The following ERCC6 variants were observed in gnomAD, a reference collection of about 807,000 sequenced individuals.
ERCC6 encodes the protein DNA excision repair protein ERCC-6.
Under a neutral mutation model 158.7 loss-of-function variants are expected in ERCC6, and 116 were observed. The observed-to-expected ratio is 0.73, with a 90% CI of 0.63 to 0.85. The LOEUF is 0.85. Ranked by LOEUF, ERCC6 falls within the 40% of genes least tolerant of loss-of-function variation. The pLI, the probability that ERCC6 is intolerant of heterozygous loss-of-function variation, is 0.00. For missense variants in ERCC6, 1,698 were observed against 1,799.4 expected, an observed-to-expected ratio of 0.94 and a Z score of 1.02; for synonymous variants, 678 against 659.3, an observed-to-expected ratio of 1.03 and a Z score of -0.43.
chr10:49,534,133 CAAAA>C (rs746772551), intron 1 of ERCC6, among the ~76,000 whole-genome samples: 6 of 60,320 alleles, frequency 9.9e-5, no homozygotes, highest in Non-Finnish European at 1.5e-4. Context: ...GACTCAATCT[CAAAA>C]AAAAAAAAAA....
intron 8 of ERCC6, chr10:49,488,141 C>T (rs765729835): frequency 4.6e-6 from 1 of 215,926 alleles, no homozygotes; most frequent in South Asian, 8.7e-5. Context: ...GGTACATCTG[C>T]AATTAGCCTG....
intron 15 of ERCC6, 120 bp from the exon 16 acceptor site, chr10:49,472,590 G>T: frequency 9.7e-7 from 1 of 1,032,510 alleles, no homozygotes; most frequent in South Asian, 1.3e-5. Flanking sequence ...TTTGACTCAT[G>T]ACGTCAAGTA....
chr10:49,473,588 C>CA lies in ERCC6; in HGVS notation c.2599-2_2599-1insT. 1 of 1,570,348 alleles carries CA rather than the reference C, an allele frequency of 6.4e-7. No homozygotes were observed. The highest frequency in any genetic ancestry group is 8.8e-7 in the Non-Finnish European group (1 of 1,140,076). On this transcript the variant is annotated splice_acceptor_variant, in intron 13 of 20. Transcript: ENST00000355832. LOFTEE classifies it high-confidence loss of function. ...GGAATACTTCAAGTATGTCCAGCAT[C>CA]TGTTTGGAGGTGGGGGATAGGAGTT...
intron 5 of ERCC6, chr10:49,515,484 A>T (rs1308377968): frequency 6.2e-7 from 1 of 1,614,020 alleles, no homozygotes; most frequent in African/African-American, 1.3e-5. Context: ...ACGTGAGTCA[A>T]TGTTACGCTT....
In ERCC6 at chr10:49,479,624, A is replaced by G. The variant is rs372298339; in HGVS notation, c.2170-1154T>C. On this transcript the variant is annotated intron_variant, in intron 10 of 20. Coordinates refer to ENST00000355832, the MANE Select transcript of ERCC6 (RefSeq NM_000124.4). ...GATGATGAAATTTCAGAATTTAAAA[A>G]CATAGTCCCACTGAGGAAGCACGAA... 1.3e-3 allele frequency among the ~76,000 whole-genome samples: 200 copies of G among 152,306 alleles called. 2 individuals carry two copies. Among genetic ancestry groups the G allele is most frequent in the African/African-American group, 4.5e-3 (187 of 41,574 alleles).
In ERCC6 at chr10:49,476,182, A is replaced by G. The variant is rs3750749; in HGVS notation, c.2382+33T>C. ...CCTCCCTCACTTCTCTTGGTCCACA[A>G]TTCATTTCTCCAGCTTCTATTTTTT... is the stretch of plus-strand genomic sequence containing the variant. On this transcript the variant is annotated intron_variant, in intron 12 of 20. Transcript: ENST00000355832. The G allele has an allele frequency of 0.086, 124,314 of 1,448,530 alleles. 8,493 individuals carry two copies. Among genetic ancestry groups the G allele is most frequent in the East Asian group, 0.35 (15,424 of 44,026 alleles). The allele number at this position is 1,448,530 out of a possible 1,614,324, so 89.7% of individuals were successfully genotyped here. A position where few individuals can be genotyped will look rare whatever the true frequency, so the allele number is the denominator to read the frequency against.
In ERCC6 at chr10:49,482,841, A is replaced by G; in HGVS notation, c.2015T>C (p.Ile672Thr). The change falls in exon 10 of 21, where the codon ATT (isoleucine) becomes ACT (threonine). Residue 672 changes from isoleucine to threonine, a missense_variant. Coordinates refer to ENST00000355832, the MANE Select transcript of ERCC6 (RefSeq NM_000124.4). ...ATTTTGCATCGGTGAGCCAGACAGAATGATCCGATGAGGGGTGCGAAACTA... is the reference window on the plus strand; with the variant it reads ...ATTTTGCATCGGTGAGCCAGACAGAGTGATCCGATGAGGGGTGCGAAACTA... ...CKQFRTPHRIILSGSPMQNNL... is the reference protein window; with the variant it reads ...CKQFRTPHRITLSGSPMQNNL... 2 of 1,614,148 alleles carry G rather than the reference A, an allele frequency of 1.2e-6. No individual in the cohort carries two copies. Among genetic ancestry groups the G allele is most frequent in the Non-Finnish European group, 1.7e-6 (2 of 1,179,998 alleles).
At chr10:49,509,664 T>C (rs1851502214) in intron 5 of ERCC6, among the ~76,000 whole-genome samples, 1 of 151,536 alleles carries the variant, frequency 6.6e-6, no homozygotes, top group South Asian at 2.1e-4. Flanking sequence ...TGGTAGGGAG[T>C]GGGTAAGAAT....
chr10:49,501,166 A>C (rs1308349970), intron 6 of ERCC6: 1 of 168,782 alleles, frequency 5.9e-6, no homozygotes, highest in Non-Finnish European at 1.3e-5. Context: ...TATAGCTTAT[A>C]CTGTTGAAAA....
intron 1 of ERCC6, among the ~76,000 whole-genome samples, chr10:49,537,500 T>TATACAC (rs1554795250): frequency 7.5e-6 from 1 of 133,002 alleles, no homozygotes; most frequent in Non-Finnish European, 1.6e-5. Context: ...TATATATATA[T>TATACAC]ATACACATAC....
rs140132694 is a variant in ERCC6, at chr10:49,535,845, C to T, written c.-14-2867G>A. On this transcript the variant is annotated intron_variant, in intron 1 of 20. Transcript: ENST00000355832. ...TACCTTGGTAAAAGAAGTTTCAGGC[C>T]AGGCTTGGTGGCTCACACCTGTAAT... is the stretch of plus-strand genomic sequence containing the variant. 2.9e-3 allele frequency among the ~76,000 whole-genome samples: 445 copies of T among 152,192 alleles called. 2 individuals are homozygous for T. The highest frequency in any genetic ancestry group is 5.3e-3 in the Non-Finnish European group (363 of 68,014).
intron 1 of ERCC6, among the ~76,000 whole-genome samples, chr10:49,538,732 G>C (rs1408051996): frequency 6.6e-6 from 1 of 152,198 alleles, no homozygotes; most frequent in Non-Finnish European, 1.5e-5. Context: ...GTCGCTGGCC[G>C]GCCAGGGACT....
Position 49,470,206 on chromosome 10 carries a change from A to G in ERCC6, c.3754T>C (p.Leu1252=). 1.2e-6 allele frequency: 2 copies of G among 1,614,190 alleles called. No homozygotes were observed. Among genetic ancestry groups the G allele is most frequent in the Non-Finnish European group, 1.7e-6 (2 of 1,180,028 alleles). ...AKEQSNDDYV[L]EKLFKKSVGV... is the part of the protein sequence containing the mutation. Reference sequence around the variant, plus strand: ...CCTGATTTTTTGAAAAGCTTTTCCAAAACATAATCGTCATTGCTCTGTTCC... The same window carrying G: ...CCTGATTTTTTGAAAAGCTTTTCCAGAACATAATCGTCATTGCTCTGTTCC... The change falls in exon 18 of 21, where the codon TTG becomes CTG. Residue 1252 remains leucine (L), a synonymous_variant. Transcript: ENST00000355832.
rs756678342 is a variant in ERCC6 at position 49,482,688 on chromosome 10, T to C, written c.2168A>G (p.Gln723Arg). 2 of 1,613,598 alleles carry C rather than the reference T, an allele frequency of 1.2e-6. No homozygotes were observed. The highest frequency in any genetic ancestry group is 1.7e-5 in the Admixed American group (1 of 60,004). ...MGGYSNASPV[Q>R]VKTAYKCACV... Reference sequence around the variant, plus strand: ...AGTATTATCATCCTAATATTTTACCTGTACTGGGGAAGCATTTGAATATCC... The same window carrying C: ...AGTATTATCATCCTAATATTTTACCCGTACTGGGGAAGCATTTGAATATCC... The change falls in exon 10 of 21, where the codon CAG becomes CGG. Residue 723 changes from glutamine (Q) to arginine (R), a missense_variant and splice_region_variant. Physicochemically the swap from Gln to Arg is conservative, Grantham distance 43 (BLOSUM62 1). Coordinates refer to ENST00000355832, the MANE Select transcript of ERCC6 (RefSeq NM_000124.4).
downstream of ERCC6, among the ~76,000 whole-genome samples, chr10:49,450,439 T>G (rs2132516661): frequency 6.6e-6 from 1 of 152,302 alleles, no homozygotes; most frequent in South Asian, 2.1e-4. Flanking sequence ...GAAATGTGGG[T>G]TTTTCTACTT....
chr10:49,538,791 G>A (rs760439226), intron 1 of ERCC6, among the ~76,000 whole-genome samples, 171 bp downstream of exon 1: 23 of 152,360 alleles, frequency 1.5e-4, no homozygotes, highest in Admixed American at 3.3e-4. Flanking sequence ...GGTCTCAGGT[G>A]AGGCCGCCGG....
intron 7 of ERCC6, among the ~76,000 whole-genome samples, chr10:49,499,066 A>G (rs1851313353): frequency 6.6e-6 from 1 of 152,214 alleles, no homozygotes; most frequent in Admixed American, 6.5e-5. Context: ...TAACAGTCAT[A>G]GATAAGACCA....
chr10:49,477,752 C>G (rs1449749150), intron 11 of ERCC6, among the ~76,000 whole-genome samples: 5 of 152,190 alleles, frequency 3.3e-5, no homozygotes, highest in Admixed American at 2.0e-4. Flanking sequence ...CCACAGCTCA[C>G]CATCTGCAAT....
intron 5 of ERCC6, chr10:49,516,454 G>A (rs150563685): frequency 1.4e-5 from 22 of 1,613,984 alleles, no homozygotes; most frequent in Admixed American, 3.3e-5. Context: ...GTTTCAAACC[G>A]GTCACGTCTC....
Sources: gnomAD v4.1 joint callset for allele counts (sites outside exome capture counted in the v4.1 genomes callset) on GRCh38, gnomAD v4.1.1 for gene constraint, MANE v1.5 for transcripts, NCBI Gene and HGNC (gene_info 2026-07-23, HGNC 2026-07-21) for gene names.